ZBTB20: variants seen among roughly 807,000 people sequenced by gnomAD.
ZBTB20 encodes the protein zinc finger and BTB domain containing 20, also known as zinc finger and BTB domain-containing protein 20.
ZBTB20 carries 9 observed loss-of-function variants against 56.9 expected under a neutral mutation model. The ratio of observed to expected loss-of-function variants is 0.16; its 90% confidence interval spans 0.10 to 0.28. The LOEUF (loss-of-function observed/expected upper bound fraction) is 0.28. Among genes scored for constraint, ZBTB20 ranks in the 10% least tolerant of loss-of-function variants. The probability of loss-of-function intolerance (pLI) is 1.00; values close to 1 mark genes in which losing one functional copy is unlikely to be tolerated. For missense variants in ZBTB20, 655 were observed against 1,003.0 expected (o/e 0.65, Z 4.69); for synonymous variants, 417 against 420.7 (o/e 0.99, Z 0.11).
At chr3:114,653,171 G>A (rs1443766335) in intron 6 of ZBTB20, among the ~76,000 whole-genome samples, 2 of 151,804 alleles carry the variant, frequency 1.3e-5, no homozygotes, top group Non-Finnish European at 3.0e-5. Context: ...TTAGAACAAC[G>A]CTGAACAGAA....
intron 5 of ZBTB20, among the ~76,000 whole-genome samples, chr3:114,777,939 T>C (rs1354946909): frequency 2.0e-5 from 3 of 151,764 alleles, no homozygotes; most frequent in Non-Finnish European, 4.4e-5. Flanking sequence ...GTTCATGTCC[T>C]TTGTAGGGAC....
At chr3:114,577,265 A>T (rs1025792988) in intron 6 of ZBTB20, among the ~76,000 whole-genome samples, 6 of 151,854 alleles carry the variant, frequency 4.0e-5, no homozygotes, top group Non-Finnish European at 7.4e-5. Flanking sequence ...TATAAATTTA[A>T]AAAAAAAGAA....
intron 5 of ZBTB20, among the ~76,000 whole-genome samples, chr3:114,694,053 T>C (rs1284585673): frequency 1.3e-5 from 2 of 152,098 alleles, no homozygotes; most frequent in East Asian, 3.9e-4. Context: ...ATTGTGGCAA[T>C]GGTGGGAGAA....
chr3:114,446,220 T>G (rs907812907), intron 7 of ZBTB20, among the ~76,000 whole-genome samples: 11 of 152,114 alleles, frequency 7.2e-5, no homozygotes, highest in Non-Finnish European at 1.5e-4. Flanking sequence ...TAGTTGTTTA[T>G]TTTCATGTTC....
Position 114,351,812 on chromosome 3 carries a change from G to C in ZBTB20, c.266C>G (p.Ser89Cys), listed in dbSNP as rs1250584204. ...HSINLHNFSNSVLETLNEQRN... is the reference protein window; with the variant it reads ...HSINLHNFSNCVLETLNEQRN... ...CTGCTCGTTGAGGGTCTCGAGCACG[G>C]AATTGCTGAAGTTGTGAAGGTTGAT... Residue 89 changes from serine (S) to cysteine (C), a missense_variant, in exon 11 of 12, where the codon TCC (serine) becomes TGC (cysteine). Ser to Cys is a moderately radical substitution (Grantham distance 112, BLOSUM62 -1). Coordinates refer to ENST00000675478, the MANE Select transcript of ZBTB20 (RefSeq NM_001348800.3). The C allele has an allele frequency of 6.2e-7, 1 of 1,606,700 alleles. No individual in the cohort carries two copies. Among genetic ancestry groups the C allele is most frequent in the Admixed American group, 1.7e-5 (1 of 59,914 alleles).
chr3:114,775,075 T>C (rs1008620434), intron 5 of ZBTB20, among the ~76,000 whole-genome samples: 2 of 152,140 alleles, frequency 1.3e-5, no homozygotes, highest in African/African-American at 4.8e-5. Flanking sequence ...CGAGCCCACC[T>C]GATCCTTATA....
chr3:114,488,098 T>C (rs1282953970), intron 7 of ZBTB20, among the ~76,000 whole-genome samples: 1 of 152,184 alleles, frequency 6.6e-6, no homozygotes, highest in Non-Finnish European at 1.5e-5. Flanking sequence ...TAAACATAAA[T>C]GTATGTAACC....
Position 114,598,389 on chromosome 3 carries a change from A to C in ZBTB20, c.-295+95139T>G, listed in dbSNP as rs530034649. ...AAACTGTGTTATACACCCTACAGAA[A>C]ATACTGTAAAGTTGCTAAAAAAAAA... On this transcript the variant is annotated intron_variant, in intron 6 of 11. Coordinates refer to ENST00000675478, the MANE Select transcript of ZBTB20 (RefSeq NM_001348800.3). 1.4e-4 allele frequency among the ~76,000 whole-genome samples: 16 copies of C among 117,356 alleles called. No individual in the cohort carries two copies. The South Asian group carries it at 5.4e-3, about 40-fold the overall frequency. The allele number at this position is 117,356 out of a possible 152,430, so 77.0% of individuals were successfully genotyped here.
intron 5 of ZBTB20, among the ~76,000 whole-genome samples, chr3:114,702,318 A>G (rs2063444881): frequency 3.9e-5 from 6 of 152,234 alleles, no homozygotes; most frequent in Non-Finnish European, 8.8e-5. Context: ...ACTGCACTCC[A>G]GTCTGAGCGA....
intron 2 of ZBTB20, among the ~76,000 whole-genome samples, chr3:114,979,132 T>G (rs1008250148): frequency 1.7e-4 from 26 of 152,136 alleles, no homozygotes; most frequent in African/African-American, 6.0e-4. Context: ...CAACCAAATT[T>G]TAACTGGTAA....
At chr3:115,032,675 CA>C (rs898425478) in intron 2 of ZBTB20, among the ~76,000 whole-genome samples, 38 of 151,302 alleles carry the variant, frequency 2.5e-4, no homozygotes, top group Non-Finnish European at 1.2e-4. Context: ...TTTAAATAGA[CA>C]AATATCATAC....
chr3:114,843,698 A>C (rs893581180), intron 4 of ZBTB20, among the ~76,000 whole-genome samples: 1 of 151,818 alleles, frequency 6.6e-6, no homozygotes, highest in African/African-American at 2.4e-5. Flanking sequence ...TTTTTTTGAG[A>C]CGGAGTCTCA....
intron 8 of ZBTB20, among the ~76,000 whole-genome samples, chr3:114,386,066 G>A (rs1462660498): frequency 6.6e-6 from 1 of 152,114 alleles, no homozygotes; most frequent in Non-Finnish European, 1.5e-5. Context: ...ACTACACCAT[G>A]AGCTCCTTGA....
chr3:114,651,756 T>G (rs1385564543), intron 6 of ZBTB20, among the ~76,000 whole-genome samples: 1 of 152,180 alleles, frequency 6.6e-6, no homozygotes, highest in East Asian at 1.9e-4. Flanking sequence ...ACACGAGCAG[T>G]GAACACTTGC....
intron 5 of ZBTB20, among the ~76,000 whole-genome samples, chr3:114,715,491 G>A (rs890747249): frequency 3.3e-5 from 5 of 152,192 alleles, no homozygotes; most frequent in Non-Finnish European, 5.9e-5. Flanking sequence ...GGGGTAGGCA[G>A]TAAGACCCAA....
chr3:115,143,226 A>G (rs1340559609), intron 1 of ZBTB20, among the ~76,000 whole-genome samples: 2 of 152,234 alleles, frequency 1.3e-5, no homozygotes, highest in Non-Finnish European at 2.9e-5. Flanking sequence ...TTCCTCTTGC[A>G]TTACAAATAA....
At chr3:114,406,392 G>C (rs1423627452) in intron 7 of ZBTB20, among the ~76,000 whole-genome samples, 1 of 152,102 alleles carries the variant, frequency 6.6e-6, no homozygotes. Flanking sequence ...AATACATCTG[G>C]AGAATAGAAC....
chr3:114,971,486 T>C (rs1018295448), intron 3 of ZBTB20, among the ~76,000 whole-genome samples: 1 of 152,346 alleles, frequency 6.6e-6, no homozygotes, highest in Non-Finnish European at 1.5e-5. Flanking sequence ...GTGCGGATTG[T>C]AAAATAGGTG....
intron 4 of ZBTB20, among the ~76,000 whole-genome samples, chr3:114,885,344 T>G (rs1369502453): frequency 6.6e-6 from 1 of 152,164 alleles, no homozygotes; most frequent in Non-Finnish European, 1.5e-5. Flanking sequence ...TAATTCAAAC[T>G]TTATTTCCTC....
Sources: allele counts gnomAD v4.1 joint callset (sites outside exome capture counted in the v4.1 genomes callset), GRCh38; gene constraint gnomAD v4.1.1; transcripts MANE v1.5; gene names NCBI Gene and HGNC (gene_info 2026-07-23, HGNC 2026-07-21).